Variants in SPECC1L observed in about 807,000 individuals in gnomAD.
SPECC1L encodes cytospin-A.
A neutral mutation model predicts 116.8 loss-of-function variants in SPECC1L; 40 were observed. The observed-to-expected ratio is 0.34, with a 90% CI of 0.27 to 0.45. The LOEUF (loss-of-function observed/expected upper bound fraction) is 0.45. Among genes scored for constraint, SPECC1L ranks in the 20% least tolerant of loss-of-function variants. The pLI, the probability that SPECC1L is intolerant of heterozygous loss-of-function variation, is 1.00. For synonymous variants in SPECC1L, 504 were observed against 500.6 expected (o/e 1.01, Z -0.09); for missense variants, 1,110 against 1,373.6 (o/e 0.81, Z 3.03).
At chr22:24,401,081 A>G (rs1179210235) in intron 14 of SPECC1L, among the ~76,000 whole-genome samples, 1 of 152,206 alleles carries the variant, frequency 6.6e-6, no homozygotes, top group African/African-American at 2.4e-5. Context: ...GGAAGCAAAC[A>G]CCAGCCACTT....
intron 4 of SPECC1L, among the ~76,000 whole-genome samples, chr22:24,320,191 G>A (rs533189618): frequency 5.3e-4 from 81 of 152,124 alleles, no homozygotes; most frequent in Non-Finnish European, 1.1e-3. Flanking sequence ...AAGGAGAATC[G>A]CTTGAACCTG....
At chr22:24,397,948 G>A (rs2042399044) in intron 14 of SPECC1L, among the ~76,000 whole-genome samples, 1 of 152,244 alleles carries the variant, frequency 6.6e-6, no homozygotes, top group Non-Finnish European at 1.5e-5. Flanking sequence ...GCTTGAGAGA[G>A]AAGCAGAGTC....
At chr22:24,327,782 A>G (rs2040860261) in intron 6 of SPECC1L, among the ~76,000 whole-genome samples, 1 of 152,214 alleles carries the variant, frequency 6.6e-6, no homozygotes, top group African/African-American at 2.4e-5. Context: ...TGAGGTCATC[A>G]CATGGCTTCT....
intron 11 of SPECC1L, among the ~76,000 whole-genome samples, chr22:24,357,087 CAG>C (rs2041548779): frequency 6.6e-6 from 1 of 152,006 alleles, no homozygotes; most frequent in Non-Finnish European, 1.5e-5. Context: ...AGTTGAAAAT[CAG>C]AGATACAGTT....
At chr22:24,386,911 T>A (rs748239942) in intron 14 of SPECC1L, among the ~76,000 whole-genome samples, 5 of 152,136 alleles carry the variant, frequency 3.3e-5, no homozygotes, top group Non-Finnish European at 7.3e-5. Context: ...GCCCTCAGGA[T>A]CTAATTTTTA....
intron 2 of SPECC1L, among the ~76,000 whole-genome samples, chr22:24,286,930 A>T (rs2049054503): frequency 6.6e-6 from 1 of 152,240 alleles, no homozygotes. Context: ...AATTAAAAAT[A>T]AGTAAATGTG....
intron 11 of SPECC1L, among the ~76,000 whole-genome samples, chr22:24,355,206 C>T (rs528896802): frequency 9.2e-4 from 134 of 145,184 alleles, no homozygotes; most frequent in South Asian, 3.9e-3. Flanking sequence ...TTACTTGAAC[C>T]TGGGAGGCAG....
chr22:24,411,000 T>G (rs1215822958), intron 14 of SPECC1L, among the ~76,000 whole-genome samples: 1 of 151,870 alleles, frequency 6.6e-6, no homozygotes, highest in Non-Finnish European at 1.5e-5. Context: ...CATCCTAGCT[T>G]ACAGTGAAAC....
rs116907149 is a variant in SPECC1L, at chr22:24,287,529, A to G, written c.-38+10726A>G. On this transcript the variant is annotated intron_variant, in intron 2 of 16. Transcript: ENST00000314328. ...TGCCGCGAGGTCAGGAACTTCTTCCAGTCGCCAAGAGGCGTCTTGACCGTT... is the reference window on the plus strand; with the variant it reads ...TGCCGCGAGGTCAGGAACTTCTTCCGGTCGCCAAGAGGCGTCTTGACCGTT... Among the ~76,000 whole-genome samples, 1,184 of 152,316 alleles carry G rather than the reference A, an allele frequency of 7.8e-3. 8 individuals carry two copies. Among genetic ancestry groups the G allele is most frequent in the South Asian group, 0.024 (116 of 4,826 alleles).
At chr22:24,303,341 A>G (rs1381902408) in intron 3 of SPECC1L, among the ~76,000 whole-genome samples, 1 of 152,156 alleles carries the variant, frequency 6.6e-6, no homozygotes, top group Non-Finnish European at 1.5e-5. Flanking sequence ...TGTGGCCCTG[A>G]GGAATTGTTA....
chr22:24,314,582 A>T (rs1199282109), intron 4 of SPECC1L, among the ~76,000 whole-genome samples: 1 of 152,212 alleles, frequency 6.6e-6, no homozygotes, highest in Non-Finnish European at 1.5e-5. Context: ...CCATGGGTTT[A>T]TCCTGATTCT....
intron 14 of SPECC1L, among the ~76,000 whole-genome samples, chr22:24,369,663 G>A (rs893744504): frequency 2.6e-5 from 4 of 152,132 alleles, no homozygotes; most frequent in African/African-American, 9.7e-5. Flanking sequence ...AAGAAGAAAT[G>A]ATGAGTCCTA....
intron 14 of SPECC1L, among the ~76,000 whole-genome samples, chr22:24,400,114 A>AT (rs969217856): frequency 1.8e-4 from 28 of 152,324 alleles, no homozygotes; most frequent in African/African-American, 6.0e-4. Context: ...CCATTTGATC[A>AT]TTTTTAAACA....
chr22:24,380,324 T>G (rs2042042272), intron 14 of SPECC1L, among the ~76,000 whole-genome samples: 1 of 152,236 alleles, frequency 6.6e-6, no homozygotes, highest in Admixed American at 6.5e-5. Flanking sequence ...GTTCTGTCCT[T>G]TGGTCTCTGA....
At chr22:24,326,535 C>T (rs1030202254) in intron 6 of SPECC1L, among the ~76,000 whole-genome samples, 3 of 152,190 alleles carry the variant, frequency 2.0e-5, no homozygotes, top group Non-Finnish European at 4.4e-5. Flanking sequence ...CAGGTTGAGT[C>T]TGAAGTACCT....
rs201328335 is a variant in SPECC1L at position 24,414,651 on chromosome 22, C to G, written c.*28C>G. The G allele has an allele frequency of 5.9e-5, 94 of 1,601,012 alleles. No individual in the cohort carries two copies. The highest frequency in any genetic ancestry group is 7.9e-5 in the Non-Finnish European group (92 of 1,168,916). On this transcript the variant is annotated 3_prime_UTR_variant, in exon 17 of 17. Coordinates refer to ENST00000314328, the MANE Select transcript of SPECC1L (RefSeq NM_015330.6). Reference sequence around the variant, plus strand: ...ATGCCGGGAGGAGCCGCCCCAATAGCGGGGGTACCCCTCCACAGCGACCGA... The same window carrying G: ...ATGCCGGGAGGAGCCGCCCCAATAGGGGGGGTACCCCTCCACAGCGACCGA...
At chr22:24,354,458 T>A (rs1342830072) in intron 11 of SPECC1L, among the ~76,000 whole-genome samples, 1 of 152,208 alleles carries the variant, frequency 6.6e-6, no homozygotes, top group Non-Finnish European at 1.5e-5. Flanking sequence ...TTCTTTGGAT[T>A]ATAATCTACT....
In SPECC1L at chr22:24,302,187, T is replaced by C. The variant is rs199934096; in HGVS notation, c.-37-8T>C. 142 of 1,609,848 alleles carry C rather than the reference T, an allele frequency of 8.8e-5. 2 individuals carry two copies. The Middle Eastern group carries it at 9.9e-4, about 11-fold the overall frequency. On this transcript the variant is annotated splice_region_variant and splice_polypyrimidine_tract_variant and intron_variant, in intron 2 of 16. Coordinates refer to ENST00000314328, the MANE Select transcript of SPECC1L (RefSeq NM_015330.6). Reference sequence around the variant, plus strand: ...TGTTCTCAGTGTAATGCCATTTTTTTCCCACAGATTTGCTTGTAAATGCAT... The same window carrying C: ...TGTTCTCAGTGTAATGCCATTTTTTCCCCACAGATTTGCTTGTAAATGCAT...
Position 24,313,446 on chromosome 22 carries a change from A to G in SPECC1L, c.287A>G (p.Asn96Ser). 1 of 1,614,166 alleles carries G rather than the reference A, an allele frequency of 6.2e-7. No individual in the cohort carries two copies. Among genetic ancestry groups the G allele is most frequent in the South Asian group, 1.1e-5 (1 of 91,076 alleles). The part of the protein sequence containing the change: ...ASAPAMTTVE[N>S]KSKISTGTAS... The stretch of plus-strand genomic sequence containing the variant: ...GCCCCTGCCATGACCACCGTGGAGA[A>G]CAAATCCAAGATTAGCACAGGTAAC... The change falls in exon 4 of 17, where the codon AAC becomes AGC. Residue 96 changes from asparagine to serine, a missense_variant. Asn to Ser is a conservative substitution (Grantham distance 46). This residue lies in a region of SPECC1L where 437 missense variants were observed against 482.6 expected (regional missense o/e 0.91). Coordinates refer to ENST00000314328, the MANE Select transcript of SPECC1L (RefSeq NM_015330.6).
Sources: allele counts gnomAD v4.1 joint callset (sites outside exome capture counted in the v4.1 genomes callset), GRCh38; gene constraint gnomAD v4.1.1; regional missense constraint gnomAD v4.1.1; transcripts MANE v1.5; gene names NCBI Gene and HGNC (gene_info 2026-07-23, HGNC 2026-07-21).